Variants in STK31 observed in about 807,000 individuals in gnomAD.
The protein encoded by STK31 is serine/threonine kinase 31.
In STK31, 89 loss-of-function variants were observed where a neutral mutation model predicts 129.7. That is an observed-to-expected ratio of 0.69 (90% confidence interval 0.58 to 0.82). The LOEUF is 0.82. STK31 is among the 40% of genes least tolerant of loss of function. The pLI is 0.00. For synonymous variants in STK31, 448 were observed against 395.3 expected (o/e 1.13, Z -1.58); for missense variants, 1,187 against 1,176.4 (o/e 1.01, Z -0.13).
At chr7:23,734,619 T>C (rs1318963386) in intron 6 of STK31, among the ~76,000 whole-genome samples, 10 of 152,352 alleles carry the variant, frequency 6.6e-5, no homozygotes, top group South Asian at 4.1e-4. Flanking sequence ...ATTTCTCATA[T>C]GCCAGTTGTA....
At chr7:23,758,065 A>G (rs1273424786) in intron 10 of STK31, among the ~76,000 whole-genome samples, 2 of 152,210 alleles carry the variant, frequency 1.3e-5, no homozygotes, top group Non-Finnish European at 2.9e-5. Flanking sequence ...TTGCAGATTA[A>G]CAGCATCTCA....
At chr7:23,756,718 C>T (rs1233748342) in intron 10 of STK31, among the ~76,000 whole-genome samples, 5 of 152,122 alleles carry the variant, frequency 3.3e-5, no homozygotes, top group Admixed American at 1.3e-4. Context: ...TGAATTTTAT[C>T]GAAGCCCTTT....
chr7:23,752,721 AGAAGGCAGCTGCTGT>A lies in STK31; in HGVS notation c.1024_1038del (p.Lys342_Val346del). On this transcript the variant is annotated inframe_deletion, in exon 9 of 24. Coordinates refer to ENST00000355870, the MANE Select transcript of STK31 (RefSeq NM_031414.5). ...TGTGTTTATTCTTTGTTTCAGCAAG[AGAAGGCAGCTGCTGT>A]GGATTTGACTAACCACTTAGAATAC... The A allele has an allele frequency of 1.9e-6, 3 of 1,608,624 alleles. No individual in the cohort carries two copies. Among genetic ancestry groups the A allele is most frequent in the Non-Finnish European group, 2.6e-6 (3 of 1,175,180 alleles).
chr7:23,805,481 T>A (rs943138500), intron 22 of STK31, among the ~76,000 whole-genome samples: 1 of 152,188 alleles, frequency 6.6e-6, no homozygotes, highest in African/African-American at 2.4e-5. Context: ...TTTGTTTTTA[T>A]TTTTTATTTT....
At chr7:23,756,437 T>C (rs1214526310) in intron 10 of STK31, among the ~76,000 whole-genome samples, 1 of 152,220 alleles carries the variant, frequency 6.6e-6, no homozygotes, top group Non-Finnish European at 1.5e-5. Flanking sequence ...TCATGTCGTC[T>C]GCAAACAGAC....
intron 23 of STK31, among the ~76,000 whole-genome samples, chr7:23,827,919 A>T (rs1010049275): frequency 1.3e-5 from 2 of 152,184 alleles, no homozygotes; most frequent in East Asian, 1.9e-4. Context: ...GATACTGGTG[A>T]ACCACAAATG....
intron 4 of STK31, among the ~76,000 whole-genome samples, chr7:23,720,456 C>CGA (rs1786624656): frequency 1.3e-5 from 2 of 152,076 alleles, no homozygotes; most frequent in African/African-American, 4.8e-5. Flanking sequence ...CTTTCTGTGT[C>CGA]TTATCAAGAG....
At chr7:23,828,002 G>C (rs28833254) in intron 23 of STK31, among the ~76,000 whole-genome samples, 1 of 152,170 alleles carries the variant, frequency 6.6e-6, no homozygotes, top group Middle Eastern at 3.4e-3. Context: ...CAGTCCACCC[G>C]TACTGGGGGG....
chr7:23,715,163 C>A (rs549067634), intron 3 of STK31, among the ~76,000 whole-genome samples: 1 of 152,032 alleles, frequency 6.6e-6, no homozygotes, highest in Non-Finnish European at 1.5e-5. Context: ...TTTGGAAATA[C>A]GCGTAGGCAG....
At chr7:23,736,350 C>T (rs551867158) in intron 7 of STK31, among the ~76,000 whole-genome samples, 11 of 151,962 alleles carry the variant, frequency 7.2e-5, no homozygotes, top group East Asian at 1.9e-4. Flanking sequence ...TTGATTATTC[C>T]GAATACTTTA....
At chr7:23,716,848 G>A (rs1490373698) in intron 3 of STK31, among the ~76,000 whole-genome samples, 2 of 144,638 alleles carry the variant, frequency 1.4e-5, no homozygotes, top group African/African-American at 5.1e-5. Context: ...AGGCTAGAGT[G>A]CAGTAGTGTG....
chr7:23,744,265 A>T (rs1350060361), intron 8 of STK31, among the ~76,000 whole-genome samples: 7 of 146,494 alleles, frequency 4.8e-5, no homozygotes, highest in African/African-American at 1.8e-4. Context: ...TTTGTATTTC[A>T]TTCGGTGAAT....
chr7:23,715,716 A>G (rs1786275655), intron 3 of STK31, among the ~76,000 whole-genome samples: 2 of 152,178 alleles, frequency 1.3e-5, no homozygotes, highest in South Asian at 4.1e-4. Flanking sequence ...GTTTAAATTC[A>G]GTTCCTGTTC....
At chr7:23,742,444 A>G (rs1037542600) in intron 8 of STK31, among the ~76,000 whole-genome samples, 12 of 152,174 alleles carry the variant, frequency 7.9e-5, no homozygotes, top group African/African-American at 2.9e-4. Context: ...CTCCCTGCTG[A>G]GGCTGCTCCA....
In STK31 at chr7:23,763,634, A is replaced by G. The variant is rs564988292; in HGVS notation, c.1416+711A>G. 3.3e-5 allele frequency among the ~76,000 whole-genome samples: 5 copies of G among 152,194 alleles called. No individual in the cohort carries two copies. In the South Asian group the frequency reaches 1.0e-3, roughly 32 times the overall value. ...CTTGTCATTTCCTAGTTTTGATTGA[A>G]TAGAGGAATACTGTTCATTTTTATG... On this transcript the variant is annotated intron_variant, in intron 11 of 23. Coordinates refer to ENST00000355870, the MANE Select transcript of STK31 (RefSeq NM_031414.5).
intron 7 of STK31, 24 bp from the exon 8 acceptor site, chr7:23,736,880 A>G: frequency 6.3e-7 from 1 of 1,580,206 alleles, no homozygotes; most frequent in South Asian, 1.2e-5. Flanking sequence ...TTGTTTGTCA[A>G]AATAAATGAA....
chr7:23,769,799 G>A, intron 13 of STK31, 43 bp downstream of exon 13: 1 of 1,325,136 alleles, frequency 7.5e-7, no homozygotes, highest in Admixed American at 1.9e-5. Flanking sequence ...TTGAAGCAGT[G>A]TGGTTTCCTT....
intron 23 of STK31, among the ~76,000 whole-genome samples, chr7:23,823,377 T>G (rs1793909887): frequency 6.6e-6 from 1 of 152,230 alleles, no homozygotes; most frequent in South Asian, 2.1e-4. Flanking sequence ...ATGTGTTTTT[T>G]GGCTGCATAA....
intron 22 of STK31, among the ~76,000 whole-genome samples, chr7:23,799,997 T>C (rs966061296): frequency 4.6e-5 from 7 of 152,178 alleles, no homozygotes; most frequent in Non-Finnish European, 1.0e-4. Flanking sequence ...TCATCATCAC[T>C]GGTCATTAGA....
Sources: gnomAD v4.1 joint callset for allele counts (sites outside exome capture counted in the v4.1 genomes callset) on GRCh38, gnomAD v4.1.1 for gene constraint, MANE v1.5 for transcripts, NCBI Gene and HGNC (gene_info 2026-07-23, HGNC 2026-07-21) for gene names.